The following MAEA variants were observed in gnomAD, a reference collection of about 807,000 sequenced individuals.
The protein encoded by MAEA is macrophage erythroblast attacher, E3 ubiquitin ligase, also known as E3 ubiquitin-protein transferase MAEA.
MAEA carries 22 observed loss-of-function variants against 46.2 expected under a neutral mutation model. The observed-to-expected ratio is 0.48, with a 90% CI of 0.34 to 0.68. The LOEUF (loss-of-function observed/expected upper bound fraction) is 0.68. MAEA is among the 30% of genes least tolerant of loss of function. The pLI, the probability that MAEA is intolerant of heterozygous loss-of-function variation, is 0.01. For synonymous variants in MAEA, 246 were observed against 222.6 expected, an observed-to-expected ratio of 1.11 and a Z score of -0.94; for missense variants, 393 against 558.1, an observed-to-expected ratio of 0.70 and a Z score of 2.98.
intron 1 of MAEA, among the ~76,000 whole-genome samples, chr4:1,310,261 G>C (rs1046447868): frequency 3.9e-5 from 6 of 152,228 alleles, no homozygotes; most frequent in African/African-American, 1.4e-4. Context: ...AGTGGGTCTC[G>C]TTGAGCTCGC....
chr4:1,325,620 C>T (rs752909463), intron 4 of MAEA, among the ~76,000 whole-genome samples: 24 of 152,308 alleles, frequency 1.6e-4, no homozygotes, highest in Non-Finnish European at 2.9e-4. Flanking sequence ...GACAGAGCCC[C>T]GGCACTCGCC....
intron 4 of MAEA, among the ~76,000 whole-genome samples, chr4:1,325,734 G>GGGAGCGGAGT (rs1738730024): frequency 2.0e-5 from 3 of 152,138 alleles, no homozygotes; most frequent in Non-Finnish European, 2.9e-5. Flanking sequence ...TCTCCTGCCA[G>GGGAGCGGAGT]GCTGGCTCTG....
chr4:1,316,528 C>G (rs1216649219), intron 3 of MAEA, among the ~76,000 whole-genome samples: 2 of 152,134 alleles, frequency 1.3e-5, no homozygotes, highest in Admixed American at 1.3e-4. Context: ...ATGGCCCTGT[C>G]CCGGGCCCAG....
chr4:1,294,588 C>A (rs73796053), intron 1 of MAEA, among the ~76,000 whole-genome samples: 5 of 151,350 alleles, frequency 3.3e-5, no homozygotes, highest in East Asian at 3.9e-4. Flanking sequence ...TCCCATACCC[C>A]CCTCCGCAGC....
intron 3 of MAEA, 60 bp downstream of exon 3, chr4:1,315,660 G>T: frequency 1.9e-6 from 3 of 1,556,048 alleles, no homozygotes; most frequent in South Asian, 1.1e-5. Flanking sequence ...ATGGCCAGCC[G>T]CCCTGTGGCA....
chr4:1,312,423 ATTTTTTTTTTT>A (rs34329974), intron 2 of MAEA: 21 of 172,014 alleles, frequency 1.2e-4, no homozygotes, highest in Middle Eastern at 4.5e-3. Flanking sequence ...AGGTTGATTG[ATTTTTTTTTTT>A]TTTTTTTTTT....
intron 1 of MAEA, chr4:1,299,531 A>G: frequency 6.5e-6 from 1 of 152,970 alleles, no homozygotes; most frequent in East Asian, 1.9e-4. Context: ...TTGTTCTAGG[A>G]GTTTCCTGAC....
intron 5 of MAEA, chr4:1,329,652 A>T (rs1195039697): frequency 1.0e-5 from 10 of 985,442 alleles, no homozygotes; most frequent in Non-Finnish European, 1.2e-5. Flanking sequence ...GTCCGGCCTC[A>T]GCTCAGCGTG....
intron 7 of MAEA, 169 bp from the exon 8 acceptor site, chr4:1,338,253 T>C (rs989158067): frequency 1.8e-6 from 1 of 552,778 alleles, no homozygotes; most frequent in Non-Finnish European, 3.2e-6. Flanking sequence ...TGGGGCTGTT[T>C]AGCTGTCGAG....
rs909423111 is a variant in MAEA at position 1,319,865 on chromosome 4, T to G, written c.457-2516T>G. Reference sequence around the variant, plus strand: ...AAAGCAAACATGCAAGAAAACACTATGAAGGGGCTCCAGAAAAGAATCATC... The same window carrying G: ...AAAGCAAACATGCAAGAAAACACTAGGAAGGGGCTCCAGAAAAGAATCATC... On this transcript the variant is annotated intron_variant, in intron 3 of 8. Transcript: ENST00000303400. Among the ~76,000 whole-genome samples the G allele has an allele frequency of 3.3e-5, 5 of 151,748 alleles. No homozygotes were observed. The East Asian group carries it at 5.8e-4, about 18-fold the overall frequency.
Position 1,289,905 on chromosome 4 carries a change from C to T in MAEA, c.-9C>T, listed in dbSNP as rs773837760. On this transcript the variant is annotated 5_prime_UTR_variant, in exon 1 of 9. Coordinates refer to ENST00000303400, the MANE Select transcript of MAEA (RefSeq NM_001017405.3). ...GTCCCCCGCCCGCTAATGTTTTGGC[C>T]GCTTCAAGATGGCGGTGCAGGAGTC... The T allele has an allele frequency of 6.3e-7, 1 of 1,594,688 alleles. No individual in the cohort carries two copies. Among genetic ancestry groups the T allele is most frequent in the Non-Finnish European group, 8.5e-7 (1 of 1,169,798 alleles).
At chr4:1,313,851 T>C (rs888201120) in intron 2 of MAEA, among the ~76,000 whole-genome samples, 4 of 152,124 alleles carry the variant, frequency 2.6e-5, no homozygotes, top group African/African-American at 9.7e-5. Context: ...GAGATCAGCC[T>C]GGGCAACATG....
At chr4:1,338,769 C>T (rs192874807) in intron 8 of MAEA, 152 bp downstream of exon 8, 32 of 862,628 alleles carry the variant, frequency 3.7e-5, no homozygotes, top group Middle Eastern at 3.1e-4. Flanking sequence ...CAGGCTGGCA[C>T]GCGTCGCCAT....
Position 1,311,941 on chromosome 4 carries a change from A to AGG in MAEA, c.70-35_70-34dup. On this transcript the variant is annotated intron_variant, in intron 1 of 8. Coordinates refer to ENST00000303400, the MANE Select transcript of MAEA (RefSeq NM_001017405.3). The surrounding 1 kb of genome is among the most constrained non-coding windows in gnomAD (Gnocchi z 4.4). ...GTGTGGGGCTGGTGGGGCTCACACC[A>AGG]GGGGAGCAGATCCCTCACCATCCTC... 1 of 1,572,608 alleles carries AGG rather than the reference A, an allele frequency of 6.4e-7. No homozygotes were observed. The highest frequency in any genetic ancestry group is 8.7e-7 in the Non-Finnish European group (1 of 1,150,784).
Position 1,327,643 on chromosome 4 carries a change from G to A in MAEA, c.596G>A (p.Ser199Asn). Reference sequence around the variant, plus strand: ...TGCCCTCAGAGCTGCCTGGAGTTCAGCCTCAGAATCCAGGAGTTCATTGAA... The same window carrying A: ...TGCCCTCAGAGCTGCCTGGAGTTCAACCTCAGAATCCAGGAGTTCATTGAA... The part of the protein sequence containing the change: ...LRKMKSCLEF[S>N]LRIQEFIELI... Residue 199 changes from serine to asparagine, a missense_variant, in exon 5 of 9, where the codon AGC (serine) becomes AAC (asparagine). This residue lies in a region of MAEA where 358 missense variants were observed against 537.9 expected (regional missense o/e 0.67). Coordinates refer to ENST00000303400, the MANE Select transcript of MAEA (RefSeq NM_001017405.3). The A allele has an allele frequency of 6.2e-7, 1 of 1,613,918 alleles. No homozygotes were observed.
chr4:1,297,161 C>T (rs903030567), intron 1 of MAEA, among the ~76,000 whole-genome samples: 4 of 152,250 alleles, frequency 2.6e-5, no homozygotes, highest in East Asian at 3.8e-4. Context: ...CTTACTAAGC[C>T]ACCCTTCCCA....
In MAEA at chr4:1,311,235, T is replaced by C. The variant is rs536786030; in HGVS notation, c.70-744T>C. Among the ~76,000 whole-genome samples, 68 of 152,286 alleles carry C rather than the reference T, an allele frequency of 4.5e-4. No individual in the cohort carries two copies. Among genetic ancestry groups the C allele is most frequent in the Admixed American group, 2.6e-3 (40 of 15,310 alleles). On this transcript the variant is annotated intron_variant, in intron 1 of 8. Coordinates refer to ENST00000303400, the MANE Select transcript of MAEA (RefSeq NM_001017405.3). The surrounding 1 kb of genome is among the most constrained non-coding windows in gnomAD (Gnocchi z 4.4). Reference sequence around the variant, plus strand: ...AGTGCAGCCAGGACCGCAGGTGGTGTTTCCTGCGGGAGCCCGGCCACGGAG... The same window carrying C: ...AGTGCAGCCAGGACCGCAGGTGGTGCTTCCTGCGGGAGCCCGGCCACGGAG...
At chr4:1,309,727 G>A (rs1012482862) in intron 1 of MAEA, 24 of 1,517,828 alleles carry the variant, frequency 1.6e-5, no homozygotes, top group East Asian at 9.8e-5. Context: ...GCCCCTCCCC[G>A]GCCTCCTTCA....
rs933317952 is a variant in MAEA at position 1,322,568 on chromosome 4, G to A, written c.579+65G>A. ...CCGAGGCTGCGCCACCTGCCCTGGAGCCAGCACCCCCTTGCCTGGTGGTTC... is the reference window on the plus strand; with the variant it reads ...CCGAGGCTGCGCCACCTGCCCTGGAACCAGCACCCCCTTGCCTGGTGGTTC... On this transcript the variant is annotated intron_variant, in intron 4 of 8. Coordinates refer to ENST00000303400, the MANE Select transcript of MAEA (RefSeq NM_001017405.3). 9.4e-6 allele frequency: 15 copies of A among 1,591,774 alleles called. No individual in the cohort carries two copies. In the African/African-American group the frequency reaches 1.1e-4, roughly 11 times the overall value.
Sources: allele counts gnomAD v4.1 joint callset (sites outside exome capture counted in the v4.1 genomes callset), GRCh38; gene constraint gnomAD v4.1.1; regional missense constraint gnomAD v4.1.1; non-coding constraint Gnocchi (gnomAD v3.1); transcripts MANE v1.5; gene names NCBI Gene and HGNC (gene_info 2026-07-23, HGNC 2026-07-21).